Variants in CNTNAP2 observed in about 807,000 individuals in gnomAD.
The protein encoded by CNTNAP2 is contactin-associated protein-like 2.
In CNTNAP2, 98 loss-of-function variants were observed where a neutral mutation model predicts 155.2. That is an observed-to-expected ratio of 0.63 (90% CI 0.54 to 0.75). The LOEUF is 0.75. CNTNAP2 is among the 30% of genes least tolerant of loss of function. CNTNAP2 has a pLI of 0.00. For synonymous variants in CNTNAP2, 651 were observed against 631.2 expected, an observed-to-expected ratio of 1.03 and a Z score of -0.47; for missense variants, 1,727 against 1,688.1, an observed-to-expected ratio of 1.02 and a Z score of -0.40.
At chr7:146,213,287 A>C (rs915895891) in intron 1 of CNTNAP2, among the ~76,000 whole-genome samples, 3 of 152,236 alleles carry the variant, frequency 2.0e-5, no homozygotes, top group Admixed American at 2.0e-4. Flanking sequence ...TATGGTAGCC[A>C]TAAATCTCAG....
chr7:147,572,701 AACACACAC>A (rs55950116), intron 12 of CNTNAP2, among the ~76,000 whole-genome samples: 7 of 148,984 alleles, frequency 4.7e-5, no homozygotes, highest in African/African-American at 9.9e-5. Context: ...CAGGATGGGA[AACACACAC>A]ACACACACAC....
intron 3 of CNTNAP2, among the ~76,000 whole-genome samples, chr7:146,888,136 G>T (rs536525795): frequency 8.5e-5 from 13 of 152,076 alleles, no homozygotes; most frequent in African/African-American, 2.6e-4. Flanking sequence ...CTCAAACAGA[G>T]TTCCAAATCT....
chr7:147,090,335 G>C lies in CNTNAP2; in HGVS notation c.551-17812G>C, dbSNP rs1800375201. On this transcript the variant is annotated intron_variant, in intron 4 of 23. Coordinates refer to ENST00000361727, the MANE Select transcript of CNTNAP2 (RefSeq NM_014141.6). The stretch of plus-strand genomic sequence containing the variant: ...AGAACATATAAGCGTGTGTGTGTGT[G>C]TGTGTGTGTGTGTGTGTTACAATTC... Among the ~76,000 whole-genome samples, 8 of 151,988 alleles carry C rather than the reference G, an allele frequency of 5.3e-5. No individual in the cohort carries two copies. The South Asian group carries it at 1.7e-3, about 32-fold the overall frequency.
intron 1 of CNTNAP2, among the ~76,000 whole-genome samples, chr7:146,575,051 T>G (rs527455424): frequency 4.6e-5 from 7 of 152,192 alleles, no homozygotes; most frequent in Non-Finnish European, 1.0e-4. Context: ...TGGCTTACAT[T>G]AAAAAGTTAG....
chr7:146,366,883 A>G (rs1411330525), intron 1 of CNTNAP2, among the ~76,000 whole-genome samples: 2 of 152,152 alleles, frequency 1.3e-5, no homozygotes, highest in African/African-American at 2.4e-5. Flanking sequence ...TTCATAGATA[A>G]TCCCCTGATC....
intron 1 of CNTNAP2, among the ~76,000 whole-genome samples, chr7:146,503,093 T>G (rs1046893216): frequency 7.2e-5 from 11 of 152,226 alleles, no homozygotes; most frequent in Non-Finnish European, 1.5e-4. Flanking sequence ...GTTATTTATC[T>G]TTTGTCAGAT....
At chr7:146,725,490 T>C (rs1315663760) in intron 1 of CNTNAP2, among the ~76,000 whole-genome samples, 1 of 152,142 alleles carries the variant, frequency 6.6e-6, no homozygotes, top group Non-Finnish European at 1.5e-5. Context: ...ACCACCTTTG[T>C]AAAGCTAATG....
intron 8 of CNTNAP2, among the ~76,000 whole-genome samples, chr7:147,187,394 A>G (rs1340870379): frequency 6.6e-6 from 1 of 152,186 alleles, no homozygotes; most frequent in African/African-American, 2.4e-5. Flanking sequence ...TGGTTAAAGA[A>G]AATATGGTCA....
intron 21 of CNTNAP2, among the ~76,000 whole-genome samples, chr7:148,365,044 C>T (rs1011319526): frequency 6.6e-6 from 1 of 152,192 alleles, no homozygotes; most frequent in South Asian, 2.1e-4. Flanking sequence ...AGAGCTGTAA[C>T]AGTCACCGCG....
chr7:146,262,924 A>G (rs1021216087), intron 1 of CNTNAP2, among the ~76,000 whole-genome samples: 1 of 152,202 alleles, frequency 6.6e-6, no homozygotes, highest in Non-Finnish European at 1.5e-5. Context: ...CTTAATAACA[A>G]TTGTGCCAGG....
At chr7:147,988,337 C>T (rs1801654221) in intron 15 of CNTNAP2, among the ~76,000 whole-genome samples, 1 of 152,102 alleles carries the variant, frequency 6.6e-6, no homozygotes, top group Non-Finnish European at 1.5e-5. Flanking sequence ...AGAGATCTAG[C>T]TATGTTAATA....
At chr7:147,946,067 C>A (rs1800816067) in intron 14 of CNTNAP2, among the ~76,000 whole-genome samples, 1 of 151,902 alleles carries the variant, frequency 6.6e-6, no homozygotes, top group Non-Finnish European at 1.5e-5. Context: ...GGGGTTTCAC[C>A]ATGTTGGTCA....
At chr7:146,435,766 T>C (rs542389215) in intron 1 of CNTNAP2, among the ~76,000 whole-genome samples, 166 of 152,346 alleles carry the variant, frequency 1.1e-3, no homozygotes, top group African/African-American at 3.8e-3. Context: ...TTTGGACATA[T>C]GTTGTAGGAG....
At chr7:148,194,634 G>A (rs532706240) in intron 18 of CNTNAP2, among the ~76,000 whole-genome samples, 1 of 152,272 alleles carries the variant, frequency 6.6e-6, no homozygotes, top group African/African-American at 2.4e-5. Context: ...GTCTGAGTCT[G>A]AAGGCCTGGG....
chr7:146,496,737 C>G (rs1416471396), intron 1 of CNTNAP2, among the ~76,000 whole-genome samples: 1 of 152,136 alleles, frequency 6.6e-6, no homozygotes, highest in African/African-American at 2.4e-5. Context: ...TCACTTATTT[C>G]ATGGGGATTG....
rs138200691 is a variant in CNTNAP2 at position 146,553,760 on chromosome 7, G to A, written c.98-220511G>A. 2.0e-3 allele frequency among the ~76,000 whole-genome samples: 301 copies of A among 152,106 alleles called. 1 individual carries two copies. The highest frequency in any genetic ancestry group is 6.8e-3 in the African/African-American group (283 of 41,514). On this transcript the variant is annotated intron_variant, in intron 1 of 23. Coordinates refer to ENST00000361727, the MANE Select transcript of CNTNAP2 (RefSeq NM_014141.6). ...CATTTCAATGGAACATTCTAAAAATGTTGAGGTTTTGTTTCTTAAAAAAAA... is the reference window on the plus strand; with the variant it reads ...CATTTCAATGGAACATTCTAAAAATATTGAGGTTTTGTTTCTTAAAAAAAA...
intron 15 of CNTNAP2, among the ~76,000 whole-genome samples, chr7:148,060,462 C>G (rs1047516256): frequency 6.6e-6 from 1 of 152,096 alleles, no homozygotes; most frequent in African/African-American, 2.4e-5. Flanking sequence ...TAAAATGGAA[C>G]ATTTTGCAAG....
intron 11 of CNTNAP2, among the ~76,000 whole-genome samples, chr7:147,497,851 CA>C (rs751086795): frequency 3.9e-5 from 6 of 152,180 alleles, no homozygotes; most frequent in Non-Finnish European, 5.9e-5. Context: ...GTGGACAGCA[CA>C]AACTTTGTTA....
At chr7:148,210,991 A>G (rs2116745894) in intron 18 of CNTNAP2, among the ~76,000 whole-genome samples, 1 of 152,360 alleles carries the variant, frequency 6.6e-6, no homozygotes, top group East Asian at 1.9e-4. Context: ...GAGTTGTGCC[A>G]TGCAGATTGC....
Sources: gnomAD v4.1 joint callset for allele counts (sites outside exome capture counted in the v4.1 genomes callset) on GRCh38, gnomAD v4.1.1 for gene constraint, MANE v1.5 for transcripts, NCBI Gene and HGNC (gene_info 2026-07-23, HGNC 2026-07-21) for gene names.